Variants in KCNMB2 observed in about 807,000 individuals in gnomAD.
KCNMB2 encodes the protein calcium-activated potassium channel subunit beta-2.
Under a neutral mutation model 24.5 loss-of-function variants are expected in KCNMB2, and 9 were observed. The ratio of observed to expected loss-of-function variants is 0.37; its 90% CI spans 0.22 to 0.64. The LOEUF is 0.64. Among genes scored for constraint, KCNMB2 ranks in the 30% least tolerant of loss-of-function variants. KCNMB2 has a pLI of 0.63. For synonymous variants in KCNMB2, 109 were observed against 104.4 expected (o/e 1.04, Z -0.27); for missense variants, 226 against 284.3 (o/e 0.79, Z 1.47).
intron 1 of KCNMB2, among the ~76,000 whole-genome samples, chr3:178,754,150 G>GTATATA (rs755809548): frequency 0.024 from 2,525 of 106,092 alleles, 32 homozygotes; most frequent in African/African-American, 0.036. Flanking sequence ...ATATTCCATT[G>GTATATA]TATATATATA....
rs531141575 is a variant in KCNMB2, at chr3:178,692,601, A to G, written c.-67-114742A>G. On this transcript the variant is annotated intron_variant, in intron 1 of 4. Coordinates refer to ENST00000452583, the MANE Select transcript of KCNMB2 (RefSeq NM_181361.3). ...GCTCCCTATTCTGCTCCATTGGTCTATGTGGCTGTTTTTGTGTCAGTACCA... is the reference window on the plus strand; with the variant it reads ...GCTCCCTATTCTGCTCCATTGGTCTGTGTGGCTGTTTTTGTGTCAGTACCA... Among the ~76,000 whole-genome samples the G allele has an allele frequency of 4.6e-5, 7 of 152,256 alleles. 1 individual carries two copies. The East Asian group carries it at 1.2e-3, about 25-fold the overall frequency.
chr3:178,815,415 C>G (rs1714366224), intron 2 of KCNMB2, among the ~76,000 whole-genome samples: 1 of 152,138 alleles, frequency 6.6e-6, no homozygotes, highest in South Asian at 2.1e-4. Context: ...CAAGCCACCT[C>G]ACCCAGCCTA....
At chr3:178,825,484 A>G in intron 2 of KCNMB2, 104 bp from the exon 3 acceptor site, 1 of 822,278 alleles carries the variant, frequency 1.2e-6, no homozygotes, top group Non-Finnish European at 1.9e-6. Context: ...GCACTGAAGC[A>G]GGTTTGGAGG....
chr3:178,815,961 T>C (rs889791683), intron 2 of KCNMB2, among the ~76,000 whole-genome samples: 15 of 151,908 alleles, frequency 9.9e-5, no homozygotes, highest in Admixed American at 8.5e-4. Flanking sequence ...TTGTGAAAGA[T>C]ATTGACCTAT....
intron 1 of KCNMB2, among the ~76,000 whole-genome samples, chr3:178,790,561 G>A (rs911677398): frequency 2.0e-5 from 3 of 152,164 alleles, no homozygotes; most frequent in Non-Finnish European, 2.9e-5. Context: ...CTCAGGCCTA[G>A]CTGGGTTCAC....
In KCNMB2 at chr3:178,639,463, T is replaced by C. The variant is rs570639416; in HGVS notation, c.-68+102752T>C. 2.6e-4 allele frequency among the ~76,000 whole-genome samples: 40 copies of C among 152,352 alleles called. No homozygotes were observed. The South Asian group carries it at 8.1e-3, about 31-fold the overall frequency. On this transcript the variant is annotated intron_variant, in intron 1 of 4. Transcript: ENST00000452583. Reference sequence around the variant, plus strand: ...TCCTTCCTCTGTTATTTACTACTAGTTGTGTTATCGTGAGCAAAGTATTTA... The same window carrying C: ...TCCTTCCTCTGTTATTTACTACTAGCTGTGTTATCGTGAGCAAAGTATTTA...
At chr3:178,614,285 A>ATGTG (rs1333045490) in intron 1 of KCNMB2, among the ~76,000 whole-genome samples, 8 of 103,262 alleles carry the variant, frequency 7.7e-5, no homozygotes, top group Non-Finnish European at 5.7e-5. Context: ...ATATATATAT[A>ATGTG]TATATATATA....
intron 1 of KCNMB2, among the ~76,000 whole-genome samples, chr3:178,539,950 C>T (rs573421944): frequency 2.4e-4 from 36 of 152,202 alleles, no homozygotes; most frequent in South Asian, 6.2e-4. Context: ...AGAAACTTCC[C>T]GTATACAGAG....
chr3:178,759,824 ATATC>A (rs1560009772), intron 1 of KCNMB2, among the ~76,000 whole-genome samples: 1 of 29,446 alleles, frequency 3.4e-5, no homozygotes, highest in Admixed American at 6.1e-4. Context: ...ATATATATAT[ATATC>A]CAAGAGGATA....
intron 1 of KCNMB2, among the ~76,000 whole-genome samples, chr3:178,578,988 A>G (rs146249360): frequency 5.3e-5 from 8 of 152,358 alleles, no homozygotes; most frequent in East Asian, 1.9e-4. Context: ...TAACAAGGAT[A>G]TTCAGGACTT....
At chr3:178,770,071 T>A (rs552208880) in intron 1 of KCNMB2, among the ~76,000 whole-genome samples, 1 of 152,228 alleles carries the variant, frequency 6.6e-6, no homozygotes, top group African/African-American at 2.4e-5. Flanking sequence ...AACTATCCTA[T>A]GCAAATCTTG....
At position 178,588,453 on chromosome 3, in the gene KCNMB2, C is replaced by CT. The variant is rs532372718; in HGVS notation, c.-68+51744dup. Among the ~76,000 whole-genome samples the CT allele has an allele frequency of 9.2e-5, 14 of 152,206 alleles. No individual in the cohort carries two copies. The South Asian group carries it at 2.9e-3, about 32-fold the overall frequency. The stretch of plus-strand genomic sequence containing the variant: ...CCTCAAATGAAATCTTCTTCATTTA[C>CT]TTCTCACCTGTGTCGTGTCTATATA... On this transcript the variant is annotated intron_variant, in intron 1 of 4. Coordinates refer to ENST00000452583, the MANE Select transcript of KCNMB2 (RefSeq NM_181361.3).
At chr3:178,691,447 C>T (rs78411222) in intron 1 of KCNMB2, among the ~76,000 whole-genome samples, 21,251 of 151,866 alleles carry the variant, frequency 0.14, 1,830 homozygotes, top group Admixed American at 0.22. Context: ...GTGTTTTTCC[C>T]ATCTCTGTGC....
At chr3:178,691,107 C>CTTTTTTTTGTTTTTTTTTTTTTTT (rs1721657993) in intron 1 of KCNMB2, among the ~76,000 whole-genome samples, 1 of 79,688 alleles carries the variant, frequency 1.3e-5, no homozygotes, top group African/African-American at 6.1e-5. Flanking sequence ...CCCATTAAGT[C>CTTTTTTTTGTTTTTTTTTTTTTTT]TTTTTTTTTT....
intron 1 of KCNMB2, among the ~76,000 whole-genome samples, chr3:178,776,030 C>T (rs1347090353): frequency 6.6e-6 from 1 of 152,150 alleles, no homozygotes; most frequent in African/African-American, 2.4e-5. Context: ...AAGTCTGTAT[C>T]TACAACCTGG....
At chr3:178,550,994 G>C (rs1715934774) in intron 1 of KCNMB2, among the ~76,000 whole-genome samples, 1 of 152,156 alleles carries the variant, frequency 6.6e-6, no homozygotes, top group Non-Finnish European at 1.5e-5. Flanking sequence ...TTTTGGCTCT[G>C]AATTCAATGA....
intron 1 of KCNMB2, among the ~76,000 whole-genome samples, chr3:178,731,729 C>G (rs897607557): frequency 6.6e-6 from 1 of 152,066 alleles, no homozygotes; most frequent in African/African-American, 2.4e-5. Flanking sequence ...CATGGTGAAA[C>G]CTTATCTCTA....
intron 1 of KCNMB2, among the ~76,000 whole-genome samples, chr3:178,537,791 T>A (rs1385241046): frequency 6.6e-6 from 1 of 152,222 alleles, no homozygotes; most frequent in Non-Finnish European, 1.5e-5. Context: ...GTTGTGTTGT[T>A]TCCCCAGTGG....
intron 1 of KCNMB2, among the ~76,000 whole-genome samples, chr3:178,671,103 C>T (rs1014183608): frequency 6.9e-6 from 1 of 144,804 alleles, no homozygotes; most frequent in African/African-American, 2.5e-5. Context: ...TCACCACCAC[C>T]CCCCACCCCA....
Sources: allele counts gnomAD v4.1 joint callset (sites outside exome capture counted in the v4.1 genomes callset), GRCh38; gene constraint gnomAD v4.1.1; transcripts MANE v1.5; gene names NCBI Gene and HGNC (gene_info 2026-07-23, HGNC 2026-07-21).